ILKAP: variants seen among roughly 807,000 people sequenced by gnomAD.
The protein encoded by ILKAP is ILK associated serine/threonine phosphatase, also known as integrin-linked kinase-associated serine/threonine phosphatase 2C.
A neutral mutation model predicts 49.1 loss-of-function variants in ILKAP; 11 were observed. The observed-to-expected ratio is 0.22, with a 90% CI of 0.14 to 0.37. The LOEUF (loss-of-function observed/expected upper bound fraction) is 0.37. Among genes scored for constraint, ILKAP ranks in the 10% least tolerant of loss-of-function variants. ILKAP has a pLI of 1.00. For synonymous variants in ILKAP, 186 were observed against 192.8 expected, an observed-to-expected ratio of 0.96 and a Z score of 0.29; for missense variants, 363 against 510.8, an observed-to-expected ratio of 0.71 and a Z score of 2.79.
chr2:238,195,486 T>C (rs553958113), intron 1 of ILKAP, among the ~76,000 whole-genome samples: 1 of 152,310 alleles, frequency 6.6e-6, no homozygotes, highest in East Asian at 1.9e-4. Flanking sequence ...CGAAACTCTT[T>C]TAACAAAAAA....
chr2:238,189,906 G>A lies in ILKAP; in HGVS notation c.245C>T (p.Ser82Phe). ...TTCACTGCCATTCTTCTCTTCCTCGGAGGTTTTTCTCTTTGCTCCTTTCCC... is the reference window on the plus strand; with the variant it reads ...TTCACTGCCATTCTTCTCTTCCTCGAAGGTTTTTCTCTTTGCTCCTTTCCC... ...TEGKGAKRKT[S>F]EEEKNGSEEL... is the part of the protein sequence containing the mutation. The change falls in exon 4 of 12, where the codon TCC becomes TTC. Residue 82 changes from serine (S) to phenylalanine (F), a missense_variant. Coordinates refer to ENST00000254654, the MANE Select transcript of ILKAP (RefSeq NM_030768.3). The A allele has an allele frequency of 6.2e-7, 1 of 1,613,958 alleles. No individual in the cohort carries two copies. Among genetic ancestry groups the A allele is most frequent in the Non-Finnish European group, 8.5e-7 (1 of 1,179,894 alleles).
intron 4 of ILKAP, 35 bp downstream of exon 4, chr2:238,189,818 A>G: frequency 6.3e-7 from 1 of 1,598,934 alleles, no homozygotes; most frequent in Non-Finnish European, 8.5e-7. Context: ...TAAAATATGA[A>G]GTCTAATACA....
Position 238,183,688 on chromosome 2 carries a change from T to C in ILKAP, c.679A>G (p.Asn227Asp), listed in dbSNP as rs1693786974. The C allele has an allele frequency of 6.2e-7, 1 of 1,613,262 alleles. No individual in the cohort carries two copies. The highest frequency in any genetic ancestry group is 1.3e-5 in the African/African-American group (1 of 74,880). ...CCGAGGTTGGCAATATAAAGAATGT[T>C]GTCTACAGCCAGAACACACGTGGCA... Reference protein sequence around the residue: ...STATCVLAVDNILYIANLGDS... With the variant: ...STATCVLAVDDILYIANLGDS... The change falls in exon 8 of 12, where the codon AAC becomes GAC. Residue 227 changes from asparagine to aspartate, a missense_variant. By Grantham distance (23) the Asn-to-Asp change is conservative (BLOSUM62 1). This residue lies in a region of ILKAP where 166 missense variants were observed against 307.3 expected (regional missense o/e 0.54). Coordinates refer to ENST00000254654, the MANE Select transcript of ILKAP (RefSeq NM_030768.3).
At chr2:238,198,298 G>T (rs1023302021) in intron 1 of ILKAP, among the ~76,000 whole-genome samples, 4 of 151,784 alleles carry the variant, frequency 2.6e-5, no homozygotes, top group Non-Finnish European at 5.9e-5. Flanking sequence ...GAGTGCAGTG[G>T]TGTGATCACA....
intron 9 of ILKAP, among the ~76,000 whole-genome samples, chr2:238,176,701 CCTA>C (rs1254380252): frequency 3.3e-5 from 5 of 152,166 alleles, no homozygotes; most frequent in Non-Finnish European, 7.3e-5. Flanking sequence ...ACTGAGACAT[CCTA>C]CTACTTGTGT....
chr2:238,194,998 T>C (rs890600377), intron 1 of ILKAP, 128 bp from the exon 2 acceptor site: 1 of 693,006 alleles, frequency 1.4e-6, no homozygotes, highest in African/African-American at 1.8e-5. Context: ...TTCTCCTTCC[T>C]GTTGGGCAAA....
intron 2 of ILKAP, 92 bp downstream of exon 2, chr2:238,194,713 A>T (rs1216109132): frequency 7.6e-7 from 1 of 1,313,982 alleles, no homozygotes; most frequent in Non-Finnish European, 1.1e-6. Flanking sequence ...CTGTGTGTTG[A>T]AAATGGGGGA....
At chr2:238,174,729 G>A (rs1020122533) in intron 9 of ILKAP, among the ~76,000 whole-genome samples, 1 of 152,172 alleles carries the variant, frequency 6.6e-6, no homozygotes, top group Non-Finnish European at 1.5e-5. Flanking sequence ...AAAGCCTAGC[G>A]ATCTTCTAGG....
intron 5 of ILKAP, among the ~76,000 whole-genome samples, chr2:238,187,766 G>A (rs1693965551): frequency 6.6e-6 from 1 of 152,182 alleles, no homozygotes; most frequent in African/African-American, 2.4e-5. Flanking sequence ...ACGCTGCAGA[G>A]CCATGCTATG....
intron 3 of ILKAP, among the ~76,000 whole-genome samples, chr2:238,192,005 G>A (rs377016233): frequency 2.0e-5 from 3 of 151,086 alleles, no homozygotes; most frequent in African/African-American, 7.3e-5. Context: ...GAGGTCAAGA[G>A]ATTGAGACCA....
intron 1 of ILKAP, among the ~76,000 whole-genome samples, chr2:238,201,147 C>A (rs912940994): frequency 6.6e-6 from 1 of 151,896 alleles, no homozygotes; most frequent in Admixed American, 6.6e-5. Context: ...TTATTCCATT[C>A]ACTTTAGCAA....
chr2:238,199,474 CT>C (rs1181576943), intron 1 of ILKAP, among the ~76,000 whole-genome samples: 6 of 152,180 alleles, frequency 3.9e-5, no homozygotes. Context: ...TCCTCAGCAA[CT>C]TTCTGTTGAT....
intron 2 of ILKAP, 42 bp from the exon 3 acceptor site, chr2:238,194,373 G>C (rs1320517097): frequency 1.3e-6 from 2 of 1,589,652 alleles, no homozygotes; most frequent in Admixed American, 1.7e-5. Context: ...CAAAAAATAT[G>C]TAAGACTTAA....
At chr2:238,190,312 C>CT (rs1389026066) in intron 3 of ILKAP, among the ~76,000 whole-genome samples, 4 of 152,130 alleles carry the variant, frequency 2.6e-5, no homozygotes, top group African/African-American at 9.7e-5. Flanking sequence ...TAAACAAACA[C>CT]TTACAAAATC....
At chr2:238,191,853 T>C (rs1174130795) in intron 3 of ILKAP, among the ~76,000 whole-genome samples, 1 of 149,776 alleles carries the variant, frequency 6.7e-6, no homozygotes, top group Non-Finnish European at 1.5e-5. Context: ...TGCAGTGAGC[T>C]GAGATCTCGC....
At chr2:238,194,939 T>C in intron 1 of ILKAP, 69 bp from the exon 2 acceptor site, 2 of 1,244,024 alleles carry the variant, frequency 1.6e-6, no homozygotes, top group South Asian at 2.4e-5. Context: ...AAGAGGAAGA[T>C]CATGTGGTCT....
In ILKAP at chr2:238,171,005, C is replaced by T; in HGVS notation, c.976G>A (p.Asp326Asn). ...GGGGTAAAGACCTTGAAGAGCCCAT[C>T]ACAGGCCAACAAAATGAACCTACAA... ...PNDRFILLAC[D>N]GLFKVFTPEE... The change falls in exon 11 of 12, where the codon GAT becomes AAT. Residue 326 changes from aspartate to asparagine, a missense_variant. Around this residue, in one of 3 missense-constraint regions of ILKAP, gnomAD observed 166 missense variants for 307.3 expected, o/e 0.54. Coordinates refer to ENST00000254654, the MANE Select transcript of ILKAP (RefSeq NM_030768.3). 6.2e-7 allele frequency: 1 copy of T among 1,613,784 alleles called. No individual in the cohort carries two copies. Among genetic ancestry groups the T allele is most frequent in the Non-Finnish European group, 8.5e-7 (1 of 1,179,932 alleles).
At chr2:238,196,085 A>AC (rs1694334370) in intron 1 of ILKAP, among the ~76,000 whole-genome samples, 1 of 87,216 alleles carries the variant, frequency 1.1e-5, no homozygotes, top group Non-Finnish European at 2.2e-5. Context: ...AAACCAATTC[A>AC]CTTTTTTTTT....
chr2:238,194,625 G>T, intron 2 of ILKAP, 180 bp downstream of exon 2: 1 of 644,392 alleles, frequency 1.6e-6, no homozygotes, highest in Non-Finnish European at 2.7e-6. Context: ...ACTTCTCAGG[G>T]CTAGCGACTA....
Sources: gnomAD v4.1 joint callset for allele counts (sites outside exome capture counted in the v4.1 genomes callset) on GRCh38, gnomAD v4.1.1 for gene constraint, gnomAD v4.1.1 regional missense constraint, MANE v1.5 for transcripts, NCBI Gene and HGNC (gene_info 2026-07-23, HGNC 2026-07-21) for gene names.